WNT9A: variants seen among roughly 807,000 people sequenced by gnomAD.
WNT9A encodes the protein Wnt family member 9A.
In WNT9A, 8 loss-of-function variants were observed where a neutral mutation model predicts 31.4. That is an observed-to-expected ratio of 0.26 (90% CI 0.15 to 0.46). WNT9A has a LOEUF of 0.46. Ranked by LOEUF, WNT9A falls within the 20% of genes least tolerant of loss-of-function variation. WNT9A has a pLI of 0.99. For synonymous variants in WNT9A, 236 were observed against 220.1 expected (o/e 1.07, Z -0.64); for missense variants, 457 against 522.9 (o/e 0.87, Z 1.23).
Position 227,919,758 on chromosome 1 carries a change from TACAC to T in WNT9A, c.*1756_*1759del, listed in dbSNP as rs1424121203. ...AGCATGCATTTATACAACACACGCTTACACACATTGACCACGCCAGCACACACGC... is the reference window on the plus strand; with the variant it reads ...AGCATGCATTTATACAACACACGCTTACATTGACCACGCCAGCACACACGC... On this transcript the variant is annotated 3_prime_UTR_variant, in exon 4 of 4. Coordinates refer to ENST00000272164, the MANE Select transcript of WNT9A (RefSeq NM_003395.4). 3.5e-5 allele frequency: 5 copies of T among 144,552 alleles called. No individual in the cohort carries two copies. Among genetic ancestry groups the T allele is most frequent in the Admixed American group, 6.9e-5 (1 of 14,574 alleles). 9.0% of individuals were successfully genotyped at this position (144,552 alleles called of 1,614,324 possible). A position where few individuals can be genotyped will look rare whatever the true frequency, so the allele number is the denominator to read the frequency against.
chr1:227,932,552 T>G (rs1476764716), intron 1 of WNT9A, among the ~76,000 whole-genome samples: 1 of 152,222 alleles, frequency 6.6e-6, no homozygotes, highest in Non-Finnish European at 1.5e-5. Context: ...GAATGGTGAA[T>G]CCTTTCCAGC....
chr1:227,940,594 C>T (rs1053428679), intron 1 of WNT9A, among the ~76,000 whole-genome samples: 8 of 152,218 alleles, frequency 5.3e-5, no homozygotes, highest in African/African-American at 7.2e-5. Flanking sequence ...GGAGGGACGC[C>T]GGCCCTGACG....
Position 227,925,177 on chromosome 1 carries a change from C to T in WNT9A, c.352+86G>A. 1 of 1,431,444 alleles carries T rather than the reference C, an allele frequency of 7.0e-7. No homozygotes were observed. Among genetic ancestry groups the T allele is most frequent in the Non-Finnish European group, 9.1e-7 (1 of 1,093,906 alleles). The allele number at this position is 1,431,444 out of a possible 1,614,324, so 88.7% of individuals were successfully genotyped here. ...GGGCCCGGCGTCCCCAGGAGCGCAG[C>T]CTAAGAGGGGCCTCTTGGGATATGG... On this transcript the variant is annotated intron_variant, in intron 2 of 3. Coordinates refer to ENST00000272164, the MANE Select transcript of WNT9A (RefSeq NM_003395.4). The surrounding 1 kb of genome is among the most constrained non-coding windows in gnomAD (Gnocchi z 6.0).
At chr1:227,946,702 G>A (rs1184680506) in intron 1 of WNT9A, among the ~76,000 whole-genome samples, 2 of 152,260 alleles carry the variant, frequency 1.3e-5, no homozygotes. Flanking sequence ...TTGAGAACAG[G>A]ATACACCTGC....
rs1265152664 is a variant in WNT9A, at chr1:227,924,309, G to C, written c.444C>G (p.Arg148=). The C allele has an allele frequency of 6.2e-7, 1 of 1,613,620 alleles. No homozygotes were observed. The highest frequency in any genetic ancestry group is 8.5e-7 in the Non-Finnish European group (1 of 1,179,990). The change falls in exon 3 of 4, where the codon CGC becomes CGG. Residue 148 remains arginine (R), a synonymous_variant. Coordinates refer to ENST00000272164, the MANE Select transcript of WNT9A (RefSeq NM_003395.4). The part of the protein sequence containing the change: ...AKACSAGRME[R]CTCDEAPDLE... ...GGTCGGGTGCCTCATCGCAGGTACA[G>C]CGCTCCATGCGGCCCGCGCTGCACG...
intron 1 of WNT9A, among the ~76,000 whole-genome samples, chr1:227,937,466 T>G (rs1480575551): frequency 6.6e-6 from 1 of 152,228 alleles, no homozygotes; most frequent in Non-Finnish European, 1.5e-5. Flanking sequence ...GGGCCTTATG[T>G]GGAATAAGAG....
At position 227,926,355 on chromosome 1, in the gene WNT9A, C is replaced by A. The variant is rs891183144; in HGVS notation, c.96-836G>T. 5.3e-5 allele frequency among the ~76,000 whole-genome samples: 8 copies of A among 152,086 alleles called. No individual in the cohort carries two copies. Among genetic ancestry groups the A allele is most frequent in the Non-Finnish European group, 1.0e-4 (7 of 68,006 alleles). On this transcript the variant is annotated intron_variant, in intron 1 of 3. Coordinates refer to ENST00000272164, the MANE Select transcript of WNT9A (RefSeq NM_003395.4). The surrounding 1 kb of genome is among the most constrained non-coding windows in gnomAD (Gnocchi z 5.0). ...CCCGGCTCCACCCCACTGGGTGCCC[C>A]CTCCCCCCAGCTGGCTGCTGGCTCA...
chr1:227,921,653 G>A lies in WNT9A; in HGVS notation c.963C>T (p.Ser321=). 6.2e-7 allele frequency: 1 copy of A among 1,613,366 alleles called. No homozygotes were observed. The change falls in exon 4 of 4, where the codon AGC becomes AGT. Residue 321 remains serine, a synonymous_variant. Coordinates refer to ENST00000272164, the MANE Select transcript of WNT9A (RefSeq NM_003395.4). ...RRCHREKNCE[S]ICCGRGHNTQ... is the part of the protein sequence containing the mutation. ...TGTTATGGCCGCGGCCACAGCAGATGCTCTCGCAGTTCTTCTCACGGTGGC... is the reference window on the plus strand; with the variant it reads ...TGTTATGGCCGCGGCCACAGCAGATACTCTCGCAGTTCTTCTCACGGTGGC...
chr1:227,947,000 C>T lies in WNT9A; in HGVS notation c.95+793G>A, dbSNP rs542593840. 2.4e-3 allele frequency among the ~76,000 whole-genome samples: 365 copies of T among 152,354 alleles called. 3 individuals are homozygous for T. The highest frequency in any genetic ancestry group is 8.4e-3 in the African/African-American group (351 of 41,596). On this transcript the variant is annotated intron_variant, in intron 1 of 3. Transcript: ENST00000272164. The stretch of plus-strand genomic sequence containing the variant: ...CTGCCTCGCACGGCGCCACCCTGCA[C>T]CTCAGCGCGCCCAAAGCGCAGCGAG...
intron 1 of WNT9A, among the ~76,000 whole-genome samples, chr1:227,939,713 C>T (rs1318877807): frequency 6.6e-6 from 1 of 152,208 alleles, no homozygotes; most frequent in Non-Finnish European, 1.5e-5. Flanking sequence ...CTCCCCCAGG[C>T]TGGGGCAGAG....
In WNT9A at chr1:227,945,122, G is replaced by A. The variant is rs563114019; in HGVS notation, c.95+2671C>T. Among the ~76,000 whole-genome samples, 34 of 152,334 alleles carry A rather than the reference G, an allele frequency of 2.2e-4. 1 individual carries two copies. Among genetic ancestry groups the A allele is most frequent in the East Asian group, 3.9e-4 (2 of 5,164 alleles). ...GCTGAAACCACAACCCAGCAAGGGCGAAGCGAGAGGGGCCTCCCAATGGAG... is the reference window on the plus strand; with the variant it reads ...GCTGAAACCACAACCCAGCAAGGGCAAAGCGAGAGGGGCCTCCCAATGGAG... On this transcript the variant is annotated intron_variant, in intron 1 of 3. Coordinates refer to ENST00000272164, the MANE Select transcript of WNT9A (RefSeq NM_003395.4).
At chr1:227,924,068 G>GCCCCCCC in intron 3 of WNT9A, 70 bp downstream of exon 3, 1 of 46,924 alleles carries the variant, frequency 2.1e-5, no homozygotes, top group South Asian at 5.2e-4. Context: ...CCAGTCCCAC[G>GCCCCCCC]CCCCACCCCC....
intron 1 of WNT9A, among the ~76,000 whole-genome samples, chr1:227,932,849 T>C (rs541500193): frequency 1.3e-5 from 2 of 152,356 alleles, no homozygotes; most frequent in South Asian, 4.1e-4. Flanking sequence ...ATAAAATATT[T>C]AGTAAACCAG....
At chr1:227,922,437 T>A (rs1666338143) in intron 3 of WNT9A, among the ~76,000 whole-genome samples, 1 of 152,196 alleles carries the variant, frequency 6.6e-6, no homozygotes, top group African/African-American at 2.4e-5. Flanking sequence ...TAGTGGTGTA[T>A]GTCTGAGCTG....
chr1:227,946,347 C>T lies in WNT9A; in HGVS notation c.95+1446G>A, dbSNP rs963599784. ...CAAAGCCGCTGCAGCCTGGACAAGCCCAGGGTGTGTCCCCAGCCCAAGAAG... is the reference window on the plus strand; with the variant it reads ...CAAAGCCGCTGCAGCCTGGACAAGCTCAGGGTGTGTCCCCAGCCCAAGAAG... On this transcript the variant is annotated intron_variant, in intron 1 of 3. Transcript: ENST00000272164. Among the ~76,000 whole-genome samples the T allele has an allele frequency of 2.6e-5, 4 of 152,256 alleles. No homozygotes were observed. The South Asian group carries it at 8.3e-4, about 31-fold the overall frequency.
intron 1 of WNT9A, among the ~76,000 whole-genome samples, chr1:227,932,925 C>T (rs1238221033): frequency 6.6e-6 from 1 of 152,196 alleles, no homozygotes; most frequent in Non-Finnish European, 1.5e-5. Context: ...GCAGAGTAGA[C>T]TTGGCGTAAT....
chr1:227,941,868 C>G (rs928758809), intron 1 of WNT9A, among the ~76,000 whole-genome samples: 4 of 152,202 alleles, frequency 2.6e-5, no homozygotes, highest in African/African-American at 9.6e-5. Context: ...ACAAAGGGAG[C>G]CCGTGCCGCA....
At chr1:227,935,442 G>C (rs1025296408) in intron 1 of WNT9A, among the ~76,000 whole-genome samples, 5 of 152,246 alleles carry the variant, frequency 3.3e-5, no homozygotes, top group African/African-American at 9.6e-5. Context: ...TCATGCTGCA[G>C]AGCCTGGTTC....
intron 1 of WNT9A, among the ~76,000 whole-genome samples, chr1:227,937,741 G>A (rs781240656): frequency 6.6e-6 from 1 of 152,240 alleles, no homozygotes; most frequent in Admixed American, 6.5e-5. Flanking sequence ...CCCTGCGGAC[G>A]CCGTGATTTC....
Sources: allele counts gnomAD v4.1 joint callset (sites outside exome capture counted in the v4.1 genomes callset), GRCh38; gene constraint gnomAD v4.1.1; non-coding constraint Gnocchi (gnomAD v3.1); transcripts MANE v1.5; gene names NCBI Gene and HGNC (gene_info 2026-07-23, HGNC 2026-07-21).